The following SOX6 variants were observed in gnomAD, a reference collection of about 807,000 sequenced individuals.
The protein encoded by SOX6 is SRY-box transcription factor 6, also known as transcription factor SOX-6.
A neutral mutation model predicts 97.8 loss-of-function variants in SOX6; 11 were observed. The observed-to-expected ratio is 0.11, with a 90% CI of 0.07 to 0.19. The LOEUF is 0.19. SOX6 is among the 10% of genes least tolerant of loss of function. The pLI, the probability that SOX6 is intolerant of heterozygous loss-of-function variation, is 1.00. For missense variants in SOX6, 810 were observed against 1,039.5 expected (o/e 0.78, Z 3.04); for synonymous variants, 360 against 371.4 (o/e 0.97, Z 0.35).
At chr11:16,234,884 T>C (rs1388080685) in intron 3 of SOX6, among the ~76,000 whole-genome samples, 1 of 151,964 alleles carries the variant, frequency 6.6e-6, no homozygotes, top group Non-Finnish European at 1.5e-5. Flanking sequence ...TAAACTATCA[T>C]CTAAGAGAAA....
chr11:16,065,817 C>T (rs1050173527), intron 9 of SOX6, among the ~76,000 whole-genome samples: 4 of 152,012 alleles, frequency 2.6e-5, no homozygotes, highest in Non-Finnish European at 5.9e-5. Flanking sequence ...CTACTGCAAG[C>T]AAACATTGAG....
chr11:16,392,768 C>CT (rs924186654), intron 1 of SOX6, among the ~76,000 whole-genome samples: 10 of 151,936 alleles, frequency 6.6e-5, no homozygotes, highest in East Asian at 5.8e-4. Flanking sequence ...AAAAACACAC[C>CT]TTTTTTTATT....
At position 16,188,881 on chromosome 11, in the gene SOX6, G is replaced by A. The variant is rs527917410; in HGVS notation, c.536-1926C>T. The stretch of plus-strand genomic sequence containing the variant: ...AGTTCAAGACCAGCCTGACCAATAC[G>A]GTGAATCCCCTTCTCTACTAAAAAT... On this transcript the variant is annotated intron_variant, in intron 4 of 15. Transcript: ENST00000683767. Among the ~76,000 whole-genome samples the A allele has an allele frequency of 1.4e-4, 22 of 152,026 alleles. No homozygotes were observed. In the South Asian group the frequency reaches 4.2e-3, roughly 29 times the overall value.
rs976254037 is a variant in SOX6, at chr11:15,972,404, C to A, written c.*405G>T. The A allele has an allele frequency of 5.4e-6, 1 of 186,162 alleles. No homozygotes were observed. Among genetic ancestry groups the A allele is most frequent in the African/African-American group, 2.4e-5 (1 of 41,896 alleles). 11.5% of individuals were successfully genotyped at this position (186,162 alleles called of 1,614,324 possible). On this transcript the variant is annotated 3_prime_UTR_variant, in exon 16 of 16. Coordinates refer to ENST00000683767, the MANE Select transcript of SOX6 (RefSeq NM_001367873.1). ...ATAATTCAGAATAAAAACACATTCA[C>A]AACCTGTAGGCCGGCACAGCATACC...
At chr11:16,116,068 A>G (rs1849340250) in intron 6 of SOX6, among the ~76,000 whole-genome samples, 1 of 152,168 alleles carries the variant, frequency 6.6e-6, no homozygotes, top group African/African-American at 2.4e-5. Context: ...AAAATGATGT[A>G]AAAACTCCAA....
At chr11:16,231,641 C>T (rs7938055) in intron 4 of SOX6, among the ~76,000 whole-genome samples, 34,591 of 151,502 alleles carry the variant, frequency 0.23, 4,301 homozygotes, top group Admixed American at 0.33. Flanking sequence ...AGAATATAAC[C>T]TAAATAACCA....
At chr11:16,105,327 T>C (rs890820147) in intron 7 of SOX6, among the ~76,000 whole-genome samples, 1 of 152,046 alleles carries the variant, frequency 6.6e-6, no homozygotes, top group Non-Finnish European at 1.5e-5. Context: ...GACAAAAGTC[T>C]AATATTATTC....
intron 3 of SOX6, among the ~76,000 whole-genome samples, chr11:16,250,426 A>AAGAT (rs1240571917): frequency 6.6e-6 from 1 of 152,174 alleles, no homozygotes; most frequent in Non-Finnish European, 1.5e-5. Flanking sequence ...ATATTAAAGA[A>AAGAT]AGATAGTAAA....
rs143868449 is a variant in SOX6, at chr11:16,000,753, T to A, written c.1733-11523A>T. Among the ~76,000 whole-genome samples the A allele has an allele frequency of 3.6e-3, 543 of 152,266 alleles. 2 individuals carry two copies. Among genetic ancestry groups the A allele is most frequent in the African/African-American group, 0.012 (510 of 41,544 alleles). ...GTGCGCGCGTGCGCGTGTGTGTGTG[T>A]GAGAGACAGAGACATGAATAGAAAG... On this transcript the variant is annotated intron_variant, in intron 13 of 15. Coordinates refer to ENST00000683767, the MANE Select transcript of SOX6 (RefSeq NM_001367873.1).
upstream of SOX6, among the ~76,000 whole-genome samples, chr11:16,480,957 A>G (rs113166486): frequency 0.014 from 2,078 of 152,232 alleles, 49 homozygotes; most frequent in African/African-American, 0.048. Context: ...TATCTTCTCA[A>G]CTAACTTTTA....
intron 12 of SOX6, among the ~76,000 whole-genome samples, chr11:16,017,823 T>G (rs1590132773): frequency 6.6e-6 from 1 of 152,094 alleles, no homozygotes; most frequent in Non-Finnish European, 1.5e-5. Context: ...ACACTTGAAC[T>G]AGCTCTCACC....
intron 13 of SOX6, among the ~76,000 whole-genome samples, chr11:16,010,138 A>G (rs1363333634): frequency 1.3e-5 from 2 of 148,178 alleles, no homozygotes; most frequent in Non-Finnish European, 3.0e-5. Context: ...ACACACACAC[A>G]CACACACACA....
chr11:16,039,696 T>A (rs1424247052), intron 12 of SOX6, among the ~76,000 whole-genome samples: 1 of 152,056 alleles, frequency 6.6e-6, no homozygotes, highest in Non-Finnish European at 1.5e-5. Context: ...ATTCTTCTAT[T>A]TTTTTACTTT....
chr11:16,160,153 C>A (rs1850710276), intron 6 of SOX6, among the ~76,000 whole-genome samples: 1 of 152,140 alleles, frequency 6.6e-6, no homozygotes. Context: ...TAGGGAACAA[C>A]ACTTGTAAAC....
intron 3 of SOX6, among the ~76,000 whole-genome samples, chr11:16,254,797 A>G (rs1016776336): frequency 1.3e-5 from 2 of 152,094 alleles, no homozygotes; most frequent in African/African-American, 4.8e-5. Context: ...CATAAATGTC[A>G]GGGGTCTAAA....
At chr11:16,135,118 T>C (rs914059461) in intron 6 of SOX6, among the ~76,000 whole-genome samples, 1 of 152,094 alleles carries the variant, frequency 6.6e-6, no homozygotes, top group African/African-American at 2.4e-5. Flanking sequence ...TACAGCATGG[T>C]TTACTGAATA....
chr11:16,457,496 T>C (rs1407248243), intron 1 of SOX6, among the ~76,000 whole-genome samples: 1 of 151,962 alleles, frequency 6.6e-6, no homozygotes, highest in Non-Finnish European at 1.5e-5. Context: ...TTACCAAATA[T>C]ATAATAAATT....
At chr11:16,721,552 T>TC (rs1564877341) in intron 2 of SOX6, among the ~76,000 whole-genome samples, 3 of 2,134 alleles carry the variant, frequency 1.4e-3, no homozygotes, top group Non-Finnish European at 2.3e-3. Context: ...CTCTCTCTCT[T>TC]CCCCCCCCTC....
chr11:16,563,291 T>TA (rs1374042714), intron 4 of SOX6, among the ~76,000 whole-genome samples: 2 of 152,094 alleles, frequency 1.3e-5, no homozygotes, highest in Non-Finnish European at 2.9e-5. Context: ...GTAAATTTTT[T>TA]AAAATAGCTG....
Sources: gnomAD v4.1 joint callset for allele counts (sites outside exome capture counted in the v4.1 genomes callset) on GRCh38, gnomAD v4.1.1 for gene constraint, MANE v1.5 for transcripts, NCBI Gene and HGNC (gene_info 2026-07-23, HGNC 2026-07-21) for gene names.